The following AFF4 variants were observed in gnomAD, a reference collection of about 807,000 sequenced individuals.
The protein encoded by AFF4 is ALF transcription elongation factor 4.
Under a neutral mutation model 124.8 loss-of-function variants are expected in AFF4, and 13 were observed. The ratio of observed to expected loss-of-function variants is 0.10; its 90% CI spans 0.07 to 0.17. AFF4 has a LOEUF of 0.17. Ranked by LOEUF, AFF4 falls within the 10% of genes least tolerant of loss-of-function variation. The probability of loss-of-function intolerance (pLI) is 1.00; values close to 1 mark genes in which losing one functional copy is unlikely to be tolerated. For synonymous variants in AFF4, 477 were observed against 496.1 expected (o/e 0.96, Z 0.51); for missense variants, 1,092 against 1,403.8 (o/e 0.78, Z 3.55).
chr5:132,893,720 C>T (rs1028898466), intron 11 of AFF4, among the ~76,000 whole-genome samples: 2 of 152,172 alleles, frequency 1.3e-5, no homozygotes, highest in Non-Finnish European at 2.9e-5. Context: ...CCTCATGATC[C>T]GCCCGCCTTG....
chr5:132,924,061 C>CTGACCAGCA (rs1387804632), intron 5 of AFF4, among the ~76,000 whole-genome samples: 2 of 152,062 alleles, frequency 1.3e-5, no homozygotes, highest in Non-Finnish European at 2.9e-5. Context: ...TGAGACCAGC[C>CTGACCAGCA]TGACCAGCAT....
rs769717793 is a variant in AFF4 at position 132,902,455 on chromosome 5, G to A, written c.1120C>T (p.His374Tyr). Residue 374 changes from histidine to tyrosine, a missense_variant, in exon 7 of 21, where the codon CAC becomes TAC. His to Tyr is a moderately conservative substitution (Grantham distance 83). Coordinates refer to ENST00000265343, the MANE Select transcript of AFF4 (RefSeq NM_014423.4). ...CAATAAACTTACGATTTAGACTGGT[G>A]CCCATTTGAAGTTTTAGAAGGATTA... ...RYNPSKTSNG[H>Y]QSKSMLKDDL... is the part of the protein sequence containing the mutation. The A allele has an allele frequency of 1.2e-6, 2 of 1,608,742 alleles. No homozygotes were observed. The highest frequency in any genetic ancestry group is 1.7e-6 in the Non-Finnish European group (2 of 1,175,418).
At chr5:132,925,676 AGAT>A (rs1291056259) in intron 5 of AFF4, among the ~76,000 whole-genome samples, 1 of 152,228 alleles carries the variant, frequency 6.6e-6, no homozygotes. Flanking sequence ...AAATATGTAA[AGAT>A]GATGAACCTC....
chr5:132,956,136 C>T (rs1370020807), intron 1 of AFF4, among the ~76,000 whole-genome samples: 1 of 152,020 alleles, frequency 6.6e-6, no homozygotes, highest in Non-Finnish European at 1.5e-5. Flanking sequence ...AAGAAATCCT[C>T]AAACCCAAGT....
At chr5:132,883,610 T>G (rs1760042572) in intron 19 of AFF4, 50 bp from the exon 20 acceptor site, 1 of 1,509,794 alleles carries the variant, frequency 6.6e-7, no homozygotes, top group African/African-American at 1.4e-5. Flanking sequence ...GTAAGCATTA[T>G]AAAATCAAGT....
rs1032506172 is a variant in AFF4, at chr5:132,901,103, T to A, written c.1133+1339A>T. 11 of 985,324 alleles carry A rather than the reference T, an allele frequency of 1.1e-5. No homozygotes were observed. The African/African-American group carries it at 1.2e-4, about 11-fold the overall frequency. 61.0% of individuals were successfully genotyped at this position (985,324 alleles called of 1,614,324 possible). On this transcript the variant is annotated intron_variant, in intron 7 of 20. Coordinates refer to ENST00000265343, the MANE Select transcript of AFF4 (RefSeq NM_014423.4). ...AAGAGTTTTCTTTCAGACAGGGGCT[T>A]AGTGCATCTATCTCTACGACTGATT...
At chr5:132,913,182 A>G (rs1200349761) in intron 5 of AFF4, among the ~76,000 whole-genome samples, 4 of 152,212 alleles carry the variant, frequency 2.6e-5, no homozygotes, top group East Asian at 3.8e-4. Context: ...AAAGAATATT[A>G]TAAGATTTAA....
At chr5:132,936,599 G>A (rs922668264) in intron 2 of AFF4, among the ~76,000 whole-genome samples, 1 of 151,936 alleles carries the variant, frequency 6.6e-6, no homozygotes, top group African/African-American at 2.4e-5. Context: ...GAACACCTAG[G>A]AAAAATCAAA....
Position 132,898,158 on chromosome 5 carries a change from T to C in AFF4, c.1389+72A>G, listed in dbSNP as rs946669782. The stretch of plus-strand genomic sequence containing the variant: ...CTTTCCTTCTCCTTTTATATTTGGA[T>C]CAGGTTTTAAATGGACATCACCAAG... On this transcript the variant is annotated intron_variant, in intron 10 of 20. Coordinates refer to ENST00000265343, the MANE Select transcript of AFF4 (RefSeq NM_014423.4). 4 of 1,535,206 alleles carry C rather than the reference T, an allele frequency of 2.6e-6. No homozygotes were observed. The Admixed American group carries it at 5.9e-5, about 23-fold the overall frequency.
intron 5 of AFF4, among the ~76,000 whole-genome samples, chr5:132,916,942 TAG>T (rs1302585348): frequency 6.6e-6 from 1 of 152,152 alleles, no homozygotes; most frequent in East Asian, 1.9e-4. Flanking sequence ...TTTTTTGAGA[TAG>T]AGTTTCGCTC....
rs2150072535 is a variant in AFF4, at chr5:132,896,506, A to T, written c.2124T>A (p.Pro708=). 6.2e-7 allele frequency: 1 copy of T among 1,614,208 alleles called. No individual in the cohort carries two copies. The highest frequency in any genetic ancestry group is 2.2e-5 in the East Asian group (1 of 44,886). The change falls in exon 11 of 21, where the codon CCT becomes CCA. Residue 708 remains proline, a synonymous_variant. Coordinates refer to ENST00000265343, the MANE Select transcript of AFF4 (RefSeq NM_014423.4). The part of the protein sequence containing the change: ...EKELLSPLSE[P]DDRYPLIVKI... ...TCACAATAAGTGGGTACCTGTCATC[A>T]GGCTCACTGAGGGGTGAAAGAAGTT...
chr5:132,959,998 G>A (rs1762047560), intron 1 of AFF4, among the ~76,000 whole-genome samples: 1 of 151,898 alleles, frequency 6.6e-6, no homozygotes, highest in South Asian at 2.1e-4. Flanking sequence ...CTCGTGATCC[G>A]CCAGCCTCAG....
chr5:132,934,159 G>A lies in AFF4; in HGVS notation c.906C>T (p.Ser302=), dbSNP rs1246388803. The change falls in exon 3 of 21, where the codon TCC becomes TCT. Residue 302 remains serine, a synonymous_variant. Coordinates refer to ENST00000265343, the MANE Select transcript of AFF4 (RefSeq NM_014423.4). ...ATGTGTGACTTACATCCAGTGGTTG[G>A]GAAGGTATTTTCAGCTTGGTGAGAT... The part of the protein sequence containing the change: ...KAHLTKLKIP[S]QPLDASASGD... 9 of 1,612,474 alleles carry A rather than the reference G, an allele frequency of 5.6e-6. No homozygotes were observed. Among genetic ancestry groups the A allele is most frequent in the Non-Finnish European group, 7.6e-6 (9 of 1,178,848 alleles).
rs796272908 is a variant in AFF4, at chr5:132,963,469, G to T, written c.-215C>A. The T allele has an allele frequency of 1.6e-4, 63 of 398,184 alleles. No homozygotes were observed. Among genetic ancestry groups the T allele is most frequent in the African/African-American group, 1.1e-3 (56 of 48,714 alleles). 24.7% of individuals were successfully genotyped at this position (398,184 alleles called of 1,614,324 possible). Reference sequence around the variant, plus strand: ...GCGGCGGCAGCGATGCGCCTCACACGGAACAGGCGTAGGCCCCGCACCGCT... The same window carrying T: ...GCGGCGGCAGCGATGCGCCTCACACTGAACAGGCGTAGGCCCCGCACCGCT... On this transcript the variant is annotated 5_prime_UTR_variant, in exon 1 of 21. Transcript: ENST00000265343.
chr5:132,937,391 G>C (rs933181227), intron 1 of AFF4, among the ~76,000 whole-genome samples, 198 bp from the exon 2 acceptor site: 4 of 152,068 alleles, frequency 2.6e-5, no homozygotes, highest in African/African-American at 9.7e-5. Flanking sequence ...ACTATTCCAA[G>C]GAAACACTAG....
chr5:132,931,193 G>C (rs1265654594), intron 4 of AFF4, among the ~76,000 whole-genome samples: 1 of 151,834 alleles, frequency 6.6e-6, no homozygotes, highest in Non-Finnish European at 1.5e-5. Context: ...GCAGGAGGAT[G>C]GGGGAGTGGG....
chr5:132,950,203 C>T (rs1316933303), intron 1 of AFF4, among the ~76,000 whole-genome samples: 1 of 152,070 alleles, frequency 6.6e-6, no homozygotes, highest in African/African-American at 2.4e-5. Context: ...TGGCCGGGCG[C>T]GATGGCTCAC....
intron 18 of AFF4, 137 bp from the exon 19 acceptor site, chr5:132,885,256 G>A (rs1448785045): frequency 3.8e-5 from 8 of 210,364 alleles, no homozygotes; most frequent in Non-Finnish European, 6.3e-5. Flanking sequence ...ATACGTGTGT[G>A]TGTGTGTGTG....
intron 5 of AFF4, among the ~76,000 whole-genome samples, chr5:132,919,909 G>C (rs1250460459): frequency 1.3e-5 from 2 of 152,004 alleles, no homozygotes; most frequent in South Asian, 4.1e-4. Context: ...AGGAAGCAGA[G>C]GAGGTGGGAT....
Sources: gnomAD v4.1 joint callset for allele counts (sites outside exome capture counted in the v4.1 genomes callset) on GRCh38, gnomAD v4.1.1 for gene constraint, MANE v1.5 for transcripts, NCBI Gene and HGNC (gene_info 2026-07-23, HGNC 2026-07-21) for gene names.